Variants in MEGF10 observed in about 807,000 individuals in gnomAD.
The protein encoded by MEGF10 is multiple EGF like domains 10.
A neutral mutation model predicts 147.5 loss-of-function variants in MEGF10; 86 were observed. That is an observed-to-expected ratio of 0.58 (90% confidence interval 0.49 to 0.70). The LOEUF (loss-of-function observed/expected upper bound fraction) is 0.70. MEGF10 is among the 30% of genes least tolerant of loss of function. The pLI is 0.00. For synonymous variants in MEGF10, 478 were observed against 525.5 expected (o/e 0.91, Z 1.24); for missense variants, 1,329 against 1,487.3 (o/e 0.89, Z 1.75).
the MEGF10 span, among the ~76,000 whole-genome samples, chr5:127,232,408 C>T: frequency 6.6e-6 from 1 of 152,172 alleles, no homozygotes; most frequent in Non-Finnish European, 1.5e-5. Context: ...TGAGAAGTTA[C>T]TACATACAAT....
chr5:127,327,539 T>C (rs1252027020), intron 1 of MEGF10, among the ~76,000 whole-genome samples: 2 of 152,088 alleles, frequency 1.3e-5, no homozygotes, highest in African/African-American at 4.8e-5. Context: ...TGACACAGCA[T>C]AGAAGAGAGA....
At position 127,410,432 on chromosome 5, in the gene MEGF10, G is replaced by T; in HGVS notation, c.961G>T (p.Ala321Ser). Residue 321 changes from alanine (A) to serine (S), a missense_variant, in exon 9 of 25, where the codon GCT becomes TCT. By Grantham distance (99) the Ala-to-Ser change is moderately conservative. This residue lies in a region of MEGF10 where 980 missense variants were observed against 1,085.9 expected (regional missense o/e 0.90). Transcript: ENST00000503335. ...CPVGTYGVLC[A>S]ETCQCVNGGK... ...TGTTGGGACCTATGGCGTTCTCTGT[G>T]CTGAGACCTGCCAGTGTGTCAACGG... 1 of 1,614,228 alleles carries T rather than the reference G, an allele frequency of 6.2e-7. No homozygotes were observed. Among genetic ancestry groups the T allele is most frequent in the Non-Finnish European group, 8.5e-7 (1 of 1,180,050 alleles).
rs145061878 is a variant in MEGF10, at chr5:127,410,739, G to A, written c.1130+138G>A. ...CTCTAGGCTACTCTGGGCAGGAATCGCCGAGTAAAAGGAAGACATTTTAAC... is the reference window on the plus strand; with the variant it reads ...CTCTAGGCTACTCTGGGCAGGAATCACCGAGTAAAAGGAAGACATTTTAAC... On this transcript the variant is annotated intron_variant, in intron 9 of 24. Coordinates refer to ENST00000503335, the MANE Select transcript of MEGF10 (RefSeq NM_001256545.2). 933 of 745,030 alleles carry A rather than the reference G, an allele frequency of 1.3e-3. 1 individual carries two copies. Among genetic ancestry groups the A allele is most frequent in the Non-Finnish European group, 1.8e-3 (812 of 457,016 alleles). 46.2% of individuals were successfully genotyped at this position (745,030 alleles called of 1,614,324 possible). A position where few individuals can be genotyped will look rare whatever the true frequency, so the allele number is the denominator to read the frequency against.
chr5:127,310,038 C>CTTTA (rs56900746), intron 1 of MEGF10, among the ~76,000 whole-genome samples: 1 of 44,452 alleles, frequency 2.2e-5, no homozygotes, highest in African/African-American at 6.9e-5. Flanking sequence ...TTCTTTCCTT[C>CTTTA]TTTCTTTATT....
At chr5:127,264,928 T>A in the MEGF10 span, among the ~76,000 whole-genome samples, 1 of 152,050 alleles carries the variant, frequency 6.6e-6, no homozygotes, top group Non-Finnish European at 1.5e-5. Context: ...TATTTTTTTT[T>A]TTATTATACT....
chr5:127,229,581 G>GCCA, the MEGF10 span: 9 of 150,450 alleles, frequency 6.0e-5, no homozygotes, highest in African/African-American at 2.3e-4. Context: ...GTGAAAGAAC[G>GCCA]GGGTGCGGAG....
intron 1 of MEGF10, among the ~76,000 whole-genome samples, chr5:127,309,905 C>T (rs886361372): frequency 6.6e-6 from 1 of 151,826 alleles, no homozygotes; most frequent in East Asian, 1.9e-4. Flanking sequence ...ACATTTCCGT[C>T]AGCAATGCAC....
At chr5:127,382,261 T>G (rs192354444) in intron 5 of MEGF10, among the ~76,000 whole-genome samples, 212 of 152,330 alleles carry the variant, frequency 1.4e-3, no homozygotes, top group African/African-American at 4.9e-3. Flanking sequence ...GACAATAATA[T>G]TTGTCCTAGT....
intron 1 of MEGF10, among the ~76,000 whole-genome samples, chr5:127,297,591 G>C (rs1759562341): frequency 6.6e-6 from 1 of 152,164 alleles, no homozygotes; most frequent in African/African-American, 2.4e-5. Context: ...TTAGGTGGGG[G>C]AATGGGCTCA....
chr5:127,369,739 T>G (rs1762784527), intron 4 of MEGF10, among the ~76,000 whole-genome samples, 171 bp from the exon 5 acceptor site: 1 of 152,190 alleles, frequency 6.6e-6, no homozygotes, highest in Non-Finnish European at 1.5e-5. Flanking sequence ...GAAGGGGAAT[T>G]GTTTGGTCCT....
chr5:127,455,749 T>C (rs1766340933), intron 24 of MEGF10, 142 bp downstream of exon 24: 1 of 706,816 alleles, frequency 1.4e-6, no homozygotes, highest in Admixed American at 3.3e-5. Context: ...TATTTTATTT[T>C]ATGTATTTTT....
chr5:127,301,883 A>G (rs1759787236), intron 1 of MEGF10, among the ~76,000 whole-genome samples: 1 of 152,228 alleles, frequency 6.6e-6, no homozygotes, highest in Admixed American at 6.5e-5. Flanking sequence ...AATCGTTCAA[A>G]TGCTTAAATA....
At chr5:127,254,758 C>T in the MEGF10 span, among the ~76,000 whole-genome samples, 1 of 151,498 alleles carries the variant, frequency 6.6e-6, no homozygotes, top group African/African-American at 2.4e-5. Context: ...TTGCAGTGAG[C>T]CAAGATCACG....
At chr5:127,409,977 T>C (rs1001819616) in intron 8 of MEGF10, 8 of 169,284 alleles carry the variant, frequency 4.7e-5, no homozygotes, top group African/African-American at 1.7e-4. Context: ...TGACACAGAG[T>C]TTTCTCTTTG....
Position 127,402,603 on chromosome 5 carries a change from G to C in MEGF10, c.838G>C (p.Glu280Gln), listed in dbSNP as rs779091539. 1 of 1,614,132 alleles carries C rather than the reference G, an allele frequency of 6.2e-7. No homozygotes were observed. Among genetic ancestry groups the C allele is most frequent in the South Asian group, 1.1e-5 (1 of 91,082 alleles). Residue 280 changes from glutamate (E) to glutamine (Q), a missense_variant, in exon 8 of 25, where the codon GAA becomes CAA. Glu to Gln is a conservative substitution (Grantham distance 29). This residue lies in a region of MEGF10 where 980 missense variants were observed against 1,085.9 expected (regional missense o/e 0.90). Coordinates refer to ENST00000503335, the MANE Select transcript of MEGF10 (RefSeq NM_001256545.2). ...TCGCTTTGGAAAGAACTGTTCCCAA[G>C]AATGCCAGTGCCATAATGGAGGGAC... is the stretch of plus-strand genomic sequence containing the variant. ...EGRFGKNCSQ[E>Q]CQCHNGGTCD...
intron 2 of MEGF10, among the ~76,000 whole-genome samples, chr5:127,333,278 G>T (rs189073007): frequency 1.3e-5 from 2 of 152,258 alleles, no homozygotes; most frequent in East Asian, 3.9e-4. Context: ...CACATTGGGA[G>T]GCCAAGGCAG....
chr5:127,254,158 T>C, the MEGF10 span, among the ~76,000 whole-genome samples: 1 of 152,130 alleles, frequency 6.6e-6, no homozygotes, highest in East Asian at 1.9e-4. Context: ...TTGTTTTTCT[T>C]TTTCAGTTTT....
chr5:127,253,170 T>A, the MEGF10 span, among the ~76,000 whole-genome samples: 1 of 152,008 alleles, frequency 6.6e-6, no homozygotes, highest in Admixed American at 6.6e-5. Context: ...TGTGATTGTC[T>A]AGAGGTGACT....
chr5:127,256,388 C>G, the MEGF10 span, among the ~76,000 whole-genome samples: 3 of 152,110 alleles, frequency 2.0e-5, no homozygotes, highest in Non-Finnish European at 2.9e-5. Context: ...TTACAACAGT[C>G]GTTTTGACCA....
Sources: allele counts gnomAD v4.1 joint callset (sites outside exome capture counted in the v4.1 genomes callset), GRCh38; gene constraint gnomAD v4.1.1; regional missense constraint gnomAD v4.1.1; transcripts MANE v1.5; gene names NCBI Gene and HGNC (gene_info 2026-07-23, HGNC 2026-07-21).